DRC11: variants seen among roughly 807,000 people sequenced by gnomAD.
The protein encoded by DRC11 is dynein regulatory complex subunit 11.
At chr2:236,409,383 G>A in the DRC11 span, among the ~76,000 whole-genome samples, 6 of 152,066 alleles carry the variant, frequency 3.9e-5, no homozygotes, top group African/African-American at 1.4e-4. Context: ...GTGAATGGGA[G>A]TTCACTCATG....
At chr2:236,317,111 C>T in the DRC11 span, among the ~76,000 whole-genome samples, 1 of 152,134 alleles carries the variant, frequency 6.6e-6, no homozygotes. This position sits in a 1 kb window ranked among gnomAD's most constrained non-coding sequence, Gnocchi z 5.4. Context: ...TCCTGGCCAA[C>T]ATGGTGAAAC....
At chr2:236,370,238 A>T in the DRC11 span, among the ~76,000 whole-genome samples, 16 of 152,204 alleles carry the variant, frequency 1.1e-4, no homozygotes, top group African/African-American at 3.1e-4. This position sits in a 1 kb window ranked among gnomAD's most constrained non-coding sequence, Gnocchi z 5.5. Flanking sequence ...CGCCAGCCAC[A>T]CGCCAGGGGC....
chr2:236,326,164 CT>C, the DRC11 span, among the ~76,000 whole-genome samples: 1 of 152,174 alleles, frequency 6.6e-6, no homozygotes, highest in African/African-American at 2.4e-5. Flanking sequence ...ATTTGTTCTG[CT>C]GATTACTAGG....
At chr2:236,491,098 G>C in the DRC11 span, among the ~76,000 whole-genome samples, 1 of 124,872 alleles carries the variant, frequency 8.0e-6, no homozygotes, top group Non-Finnish European at 1.7e-5. Flanking sequence ...TATACTCTGT[G>C]TGTGTGTGTA....
the DRC11 span, among the ~76,000 whole-genome samples, chr2:236,359,580 TCTC>T: frequency 6.6e-6 from 1 of 152,094 alleles, no homozygotes; most frequent in Non-Finnish European, 1.5e-5. This position sits in a 1 kb window ranked among gnomAD's most constrained non-coding sequence, Gnocchi z 4.3. Flanking sequence ...TATTTCACCT[TCTC>T]CTGCAAATGC....
chr2:236,497,488 C>G, the DRC11 span: 1 of 1,593,528 alleles, frequency 6.3e-7, no homozygotes, highest in Non-Finnish European at 8.6e-7. This position sits in a 1 kb window ranked among gnomAD's most constrained non-coding sequence, Gnocchi z 5.1. Context: ...ATTATACATT[C>G]TGGGGGAAGA....
chr2:236,472,492 G>A, the DRC11 span, among the ~76,000 whole-genome samples: 1 of 152,166 alleles, frequency 6.6e-6, no homozygotes, highest in Non-Finnish European at 1.5e-5. This position sits in a 1 kb window ranked among gnomAD's most constrained non-coding sequence, Gnocchi z 4.6. Flanking sequence ...AGTTGCACAT[G>A]TATTTTACAC....
At chr2:236,347,507 G>GATATATATATATATATATATATAT in the DRC11 span, among the ~76,000 whole-genome samples, 1 of 93,170 alleles carries the variant, frequency 1.1e-5, no homozygotes, top group Non-Finnish European at 2.6e-5. Context: ...AAAAAACTGT[G>GATATATATATATATATATATATAT]CTATATATAT....
chr2:236,357,918 CTA>C, the DRC11 span, among the ~76,000 whole-genome samples: 1 of 114,506 alleles, frequency 8.7e-6, no homozygotes. Context: ...TATACATATA[CTA>C]TATAAATTCA....
the DRC11 span, among the ~76,000 whole-genome samples, chr2:236,357,132 ATAT>A: frequency 0.011 from 1,144 of 100,346 alleles, 113 homozygotes; most frequent in Non-Finnish European, 0.015. Context: ...ATATATTCGT[ATAT>A]TATATATCTA....
the DRC11 span, among the ~76,000 whole-genome samples, chr2:236,335,428 A>C: frequency 2.0e-5 from 3 of 152,180 alleles, no homozygotes; most frequent in Non-Finnish European, 4.4e-5. This position sits in a 1 kb window ranked among gnomAD's most constrained non-coding sequence, Gnocchi z 5.6. Context: ...AGCGGACAGA[A>C]CCCAGGGCCC....
chr2:236,489,752 G>A, the DRC11 span, among the ~76,000 whole-genome samples: 14 of 152,006 alleles, frequency 9.2e-5, no homozygotes, highest in South Asian at 2.1e-4. Context: ...GTGAGACCCC[G>A]TCTCTAAAAA....
At chr2:236,424,276 T>C in the DRC11 span, among the ~76,000 whole-genome samples, 15 of 152,090 alleles carry the variant, frequency 9.9e-5, no homozygotes, top group African/African-American at 3.6e-4. Flanking sequence ...AAAGATGAAA[T>C]CCTTATTTGT....
At chr2:236,363,918 A>C in the DRC11 span, 1 of 1,614,012 alleles carries the variant, frequency 6.2e-7, no homozygotes, top group Non-Finnish European at 8.5e-7. This position sits in a 1 kb window ranked among gnomAD's most constrained non-coding sequence, Gnocchi z 5.6. Flanking sequence ...TCCCTACCCC[A>C]GACGGCCCGG....
chr2:236,377,230 A>G, the DRC11 span: 2 of 1,218,512 alleles, frequency 1.6e-6, no homozygotes, highest in Non-Finnish European at 2.4e-6. This position sits in a 1 kb window ranked among gnomAD's most constrained non-coding sequence, Gnocchi z 4.9. Context: ...CACACACAGA[A>G]ATCGGCGGTA....
the DRC11 span, among the ~76,000 whole-genome samples, chr2:236,374,356 G>C: frequency 6.6e-6 from 1 of 152,154 alleles, no homozygotes; most frequent in African/African-American, 2.4e-5. Context: ...ATATGGACAA[G>C]GTCAAAGTGT....
At chr2:236,373,863 G>A in the DRC11 span, among the ~76,000 whole-genome samples, 2 of 152,092 alleles carry the variant, frequency 1.3e-5, no homozygotes, top group African/African-American at 4.8e-5. Context: ...AATTTCTTCT[G>A]GGCCTTCTCT....
chr2:236,380,116 T>C, the DRC11 span, among the ~76,000 whole-genome samples: 1 of 152,246 alleles, frequency 6.6e-6, no homozygotes, highest in Non-Finnish European at 1.5e-5. The surrounding 1 kb of genome is among the most constrained non-coding windows in gnomAD (Gnocchi z 4.9). Flanking sequence ...CGTCCTGCAC[T>C]GAAGCTGGGC....
At chr2:236,322,762 A>G in the DRC11 span, among the ~76,000 whole-genome samples, 1 of 152,364 alleles carries the variant, frequency 6.6e-6, no homozygotes, top group East Asian at 1.9e-4. Context: ...CGTCCTGCCC[A>G]GTACATCAGT....
Sources: gnomAD v4.1 joint callset for allele counts (sites outside exome capture counted in the v4.1 genomes callset) on GRCh38, gnomAD v4.1.1 for gene constraint, Gnocchi (gnomAD v3.1) non-coding constraint, MANE v1.5 for transcripts, NCBI Gene and HGNC (gene_info 2026-07-23, HGNC 2026-07-21) for gene names.